FAM193A: variants seen among roughly 807,000 people sequenced by gnomAD.
FAM193A encodes protein FAM193A.
In FAM193A, 22 loss-of-function variants were observed where a neutral mutation model predicts 126.5. That is an observed-to-expected ratio of 0.17 (90% CI 0.12 to 0.25). The LOEUF is 0.25. Ranked by LOEUF, FAM193A falls within the 10% of genes least tolerant of loss-of-function variation. The pLI is 1.00. For missense variants in FAM193A, 1,675 were observed against 1,672.8 expected, an observed-to-expected ratio of 1.00 and a Z score of -0.02; for synonymous variants, 761 against 646.8, an observed-to-expected ratio of 1.18 and a Z score of -2.68.
chr4:2,636,353 G>A (rs570383295), intron 5 of FAM193A, among the ~76,000 whole-genome samples: 3 of 152,192 alleles, frequency 2.0e-5, no homozygotes, highest in South Asian at 2.1e-4. Flanking sequence ...GTGAGCCACC[G>A]TGCCCTGCCA....
At chr4:2,625,858 G>T (rs1043194674) in intron 3 of FAM193A, among the ~76,000 whole-genome samples, 2 of 151,774 alleles carry the variant, frequency 1.3e-5, no homozygotes, top group Non-Finnish European at 2.9e-5. Flanking sequence ...CCGGTATCTG[G>T]GACTACAGGC....
chr4:2,583,888 A>G (rs1030827997), intron 1 of FAM193A, among the ~76,000 whole-genome samples: 14 of 152,268 alleles, frequency 9.2e-5, no homozygotes, highest in Non-Finnish European at 1.8e-4. Flanking sequence ...TGTAAGGTTG[A>G]GCATTATGCT....
chr4:2,604,547 C>T (rs1741411725), intron 2 of FAM193A, among the ~76,000 whole-genome samples: 1 of 152,136 alleles, frequency 6.6e-6, no homozygotes, highest in Admixed American at 6.6e-5. Context: ...GTCTTTAAGT[C>T]TTGGCGTATC....
chr4:2,535,861 T>C (rs1314191033), upstream of FAM193A, among the ~76,000 whole-genome samples: 3 of 151,988 alleles, frequency 2.0e-5, no homozygotes, highest in Non-Finnish European at 4.4e-5. Flanking sequence ...CGAGGGGTTC[T>C]CGGGGAACCG....
chr4:2,541,482 T>C (rs1303840935), intron 1 of FAM193A, among the ~76,000 whole-genome samples: 1 of 150,082 alleles, frequency 6.7e-6, no homozygotes, highest in Non-Finnish European at 1.5e-5. Flanking sequence ...AGTCTCGCTC[T>C]GTCACCAGGC....
chr4:2,626,548 C>T lies in FAM193A; in HGVS notation c.774C>T (p.Asp258=), dbSNP rs2108981360. The T allele has an allele frequency of 2.8e-6, 2 of 701,942 alleles. No homozygotes were observed. Among genetic ancestry groups the T allele is most frequent in the Non-Finnish European group, 5.2e-6 (2 of 384,766 alleles). 43.5% of individuals were successfully genotyped at this position (701,942 alleles called of 1,614,324 possible). The change falls in exon 4 of 21, where the codon GAC becomes GAT. Residue 258 remains aspartate (D), a synonymous_variant. Transcript: ENST00000637812. ...ACCAGGACCAGTCTCTGGTGCCTGA[C>T]AAGGAGGGAGTGAAGGAGCTCGTGG... ...ADDQDQSLVP[D]KEGVKELVDR...
chr4:2,556,584 A>T (rs1169630026), intron 1 of FAM193A, among the ~76,000 whole-genome samples: 3 of 152,172 alleles, frequency 2.0e-5, no homozygotes, highest in Non-Finnish European at 4.4e-5. Context: ...CAGGAGGCTG[A>T]TGTGGGGGGA....
intron 12 of FAM193A, among the ~76,000 whole-genome samples, chr4:2,667,082 CAT>C (rs1194389192): frequency 6.6e-6 from 1 of 152,188 alleles, no homozygotes; most frequent in Non-Finnish European, 1.5e-5. Context: ...GATGGCCTAA[CAT>C]ATAGTTTACC....
chr4:2,681,284 A>G (rs1715087722), intron 13 of FAM193A, among the ~76,000 whole-genome samples: 1 of 151,198 alleles, frequency 6.6e-6, no homozygotes, highest in East Asian at 1.9e-4. Flanking sequence ...TCAAAGAACT[A>G]TATTTTGGTT....
rs1577217869 is a variant in FAM193A, at chr4:2,693,642, C to T, written c.2860C>T (p.Pro954Ser). 1 of 1,614,204 alleles carries T rather than the reference C, an allele frequency of 6.2e-7. No homozygotes were observed. Among genetic ancestry groups the T allele is most frequent in the East Asian group, 2.2e-5 (1 of 44,876 alleles). ...CCACAGACACTCGGCCCCAGCCGCC[C>T]CGAGGAATAGCCCCACGGGCTTGGC... is the stretch of plus-strand genomic sequence containing the variant. ...EDHRHSAPAA[P>S]RNSPTGLAPL... Residue 954 changes from proline to serine, a missense_variant, in exon 16 of 21, where the codon CCG becomes TCG. By Grantham distance (74) the Pro-to-Ser change is moderately conservative. Around this residue, in one of 4 missense-constraint regions of FAM193A, gnomAD observed 1,186 missense variants for 1,109.2 expected, o/e 1.07. Transcript: ENST00000637812.
chr4:2,564,157 C>T (rs1738793676), intron 1 of FAM193A, among the ~76,000 whole-genome samples: 1 of 152,130 alleles, frequency 6.6e-6, no homozygotes, highest in African/African-American at 2.4e-5. Flanking sequence ...TCATGGCTCA[C>T]TGCAGCCTCA....
chr4:2,536,123 G>C (rs567164360), upstream of FAM193A, among the ~76,000 whole-genome samples: 2 of 151,632 alleles, frequency 1.3e-5, no homozygotes, highest in African/African-American at 4.8e-5. Flanking sequence ...CGGGAGCCGC[G>C]CCGGTCTGCG....
At chr4:2,702,273 A>G (rs945772556) in intron 19 of FAM193A, among the ~76,000 whole-genome samples, 1 of 152,240 alleles carries the variant, frequency 6.6e-6, no homozygotes, top group African/African-American at 2.4e-5. Context: ...AGATTCGGTC[A>G]GTGGGAGCCC....
intron 12 of FAM193A, among the ~76,000 whole-genome samples, chr4:2,663,985 A>T (rs1712794758): frequency 6.6e-6 from 1 of 152,186 alleles, no homozygotes; most frequent in South Asian, 2.1e-4. Context: ...TAATAACAAC[A>T]ATAATAATAA....
At chr4:2,631,451 G>C (rs1372124178) in intron 5 of FAM193A, among the ~76,000 whole-genome samples, 4 of 152,210 alleles carry the variant, frequency 2.6e-5, no homozygotes, top group Non-Finnish European at 5.9e-5. Context: ...CATGGGGGCA[G>C]TGTGAGGGGA....
chr4:2,596,662 A>G (rs1560468778), intron 2 of FAM193A, among the ~76,000 whole-genome samples: 5 of 152,360 alleles, frequency 3.3e-5, no homozygotes, highest in Admixed American at 6.5e-5. Flanking sequence ...GTTCTCAACA[A>G]TTCGACATGC....
chr4:2,712,771 A>T (rs1039904268), intron 19 of FAM193A, among the ~76,000 whole-genome samples: 24 of 151,950 alleles, frequency 1.6e-4, no homozygotes, highest in Admixed American at 2.0e-4. Flanking sequence ...GGGTTTTTTT[A>T]AAATGTGTTG....
At chr4:2,694,081 G>T (rs1293179651) in intron 16 of FAM193A, among the ~76,000 whole-genome samples, 1 of 152,226 alleles carries the variant, frequency 6.6e-6, no homozygotes, top group Admixed American at 6.5e-5. Flanking sequence ...AAGAGCAGGG[G>T]CCGTGGGCCG....
At chr4:2,601,280 T>C (rs764829166) in intron 2 of FAM193A, among the ~76,000 whole-genome samples, 4 of 145,302 alleles carry the variant, frequency 2.8e-5, no homozygotes, top group Non-Finnish European at 4.5e-5. Context: ...TCGCCCAGGC[T>C]GGAGTGCAGT....
Sources: gnomAD v4.1 joint callset for allele counts (sites outside exome capture counted in the v4.1 genomes callset) on GRCh38, gnomAD v4.1.1 for gene constraint, gnomAD v4.1.1 regional missense constraint, MANE v1.5 for transcripts, NCBI Gene and HGNC (gene_info 2026-07-23, HGNC 2026-07-21) for gene names.